Variants in FHL5 observed in about 807,000 individuals in gnomAD.
The protein encoded by FHL5 is four and a half LIM domains 5.
A neutral mutation model predicts 32.0 loss-of-function variants in FHL5; 33 were observed. That is an observed-to-expected ratio of 1.03 (90% CI 0.78 to 1.38). The LOEUF (loss-of-function observed/expected upper bound fraction) is 1.38. Among genes scored for constraint, FHL5 ranks in the 40% most tolerant of loss-of-function variants. The pLI is 0.00. For missense variants in FHL5, 336 were observed against 343.9 expected (o/e 0.98, Z 0.18); for synonymous variants, 114 against 113.6 (o/e 1.00, Z -0.02).
chr6:96,588,981 C>T (rs995470390), intron 1 of FHL5, among the ~76,000 whole-genome samples: 4 of 151,908 alleles, frequency 2.6e-5, no homozygotes, highest in Non-Finnish European at 5.9e-5. Context: ...AAATTTACTT[C>T]CATATTTTAA....
intron 1 of FHL5, among the ~76,000 whole-genome samples, chr6:96,574,040 A>G (rs1770537155): frequency 6.6e-6 from 1 of 152,158 alleles, no homozygotes; most frequent in African/African-American, 2.4e-5. Context: ...CTACTTAAAA[A>G]AAAAATTATA....
intron 5 of FHL5, 94 bp downstream of exon 5, chr6:96,610,852 G>A: frequency 2.2e-6 from 2 of 910,850 alleles, no homozygotes; most frequent in East Asian, 4.9e-5. Context: ...TTAAAAAATG[G>A]GAAGCTTTCC....
At chr6:96,606,162 T>G in intron 4 of FHL5, 91 bp downstream of exon 4, 1 of 1,087,816 alleles carries the variant, frequency 9.2e-7, no homozygotes, top group Non-Finnish European at 1.3e-6. Context: ...TACTATTATG[T>G]TATATCTGTA....
At chr6:96,564,078 A>G (rs1328216656) in intron 1 of FHL5, among the ~76,000 whole-genome samples, 2 of 152,272 alleles carry the variant, frequency 1.3e-5, no homozygotes, top group East Asian at 1.9e-4. Context: ...TTTGGTACCT[A>G]TCATTCATTT....
In FHL5 at chr6:96,605,887, AC is replaced by A. The variant is rs1319591717; in HGVS notation, c.335-14del. On this transcript the variant is annotated splice_polypyrimidine_tract_variant and intron_variant, in intron 3 of 5. Coordinates refer to ENST00000450218, the MANE Select transcript of FHL5 (RefSeq NM_001322466.2). The stretch of plus-strand genomic sequence containing the variant: ...GCTTGACTTATACTAACATGGCCTT[AC>A]TTTTGGAGTACAGGTTCCCGCAAAA... 6.2e-7 allele frequency: 1 copy of A among 1,610,902 alleles called. No individual in the cohort carries two copies. The highest frequency in any genetic ancestry group is 8.5e-7 in the Non-Finnish European group (1 of 1,178,124).
intron 1 of FHL5, among the ~76,000 whole-genome samples, chr6:96,573,587 T>C (rs915142434): frequency 4.3e-5 from 6 of 140,682 alleles, no homozygotes; most frequent in African/African-American, 1.6e-4. Flanking sequence ...AGTGGCGCAA[T>C]CTCGGCTCAC....
At position 96,615,815 on chromosome 6, in the gene FHL5, T is replaced by C; in HGVS notation, c.*43T>C. The C allele has an allele frequency of 6.7e-7, 1 of 1,497,896 alleles. No homozygotes were observed. Among genetic ancestry groups the C allele is most frequent in the East Asian group, 2.4e-5 (1 of 42,298 alleles). The allele number at this position is 1,497,896 out of a possible 1,614,324, so 92.8% of individuals were successfully genotyped here. ...CCTAAAATCCATTTTGCCTTCGTTGTCACTAAAGCCAGAACTCAGTTGCGG... is the reference window on the plus strand; with the variant it reads ...CCTAAAATCCATTTTGCCTTCGTTGCCACTAAAGCCAGAACTCAGTTGCGG... On this transcript the variant is annotated 3_prime_UTR_variant, in exon 6 of 6. Transcript: ENST00000450218.
intron 1 of FHL5, among the ~76,000 whole-genome samples, chr6:96,591,925 A>G (rs1030494740): frequency 6.6e-6 from 1 of 152,084 alleles, no homozygotes; most frequent in Non-Finnish European, 1.5e-5. Flanking sequence ...GGGATTTTCA[A>G]TGGGGAGGGA....
At chr6:96,603,469 TA>T in intron 1 of FHL5, 132 bp from the exon 2 acceptor site, 1 of 642,560 alleles carries the variant, frequency 1.6e-6, no homozygotes, top group Admixed American at 3.3e-5. Context: ...CATACTTTCC[TA>T]AATTGGGGGA....
intron 1 of FHL5, among the ~76,000 whole-genome samples, chr6:96,596,987 C>G (rs1463997565): frequency 6.6e-6 from 1 of 152,010 alleles, no homozygotes; most frequent in Non-Finnish European, 1.5e-5. Context: ...CTTGCTCCCA[C>G]ACATGATCTC....
chr6:96,568,960 A>C (rs1421983797), intron 1 of FHL5, among the ~76,000 whole-genome samples: 1 of 151,504 alleles, frequency 6.6e-6, no homozygotes, highest in Non-Finnish European at 1.5e-5. Context: ...TTATTTATGT[A>C]TGCTTTTCTT....
At chr6:96,584,159 C>T (rs372626639) in intron 1 of FHL5, among the ~76,000 whole-genome samples, 9 of 152,122 alleles carry the variant, frequency 5.9e-5, no homozygotes, top group South Asian at 2.1e-4. Flanking sequence ...ACAACTGTTA[C>T]AAAATGTGGC....
intron 4 of FHL5, among the ~76,000 whole-genome samples, chr6:96,609,787 G>A (rs550290518): frequency 6.9e-4 from 105 of 152,312 alleles, no homozygotes; most frequent in African/African-American, 2.4e-3. Flanking sequence ...CACACAGGCT[G>A]TGGAATCAGA....
At chr6:96,572,232 A>C (rs189304619) in intron 1 of FHL5, among the ~76,000 whole-genome samples, 46 of 152,274 alleles carry the variant, frequency 3.0e-4, no homozygotes, top group Admixed American at 1.2e-3. Context: ...AGTTCAGCTT[A>C]AGTAATGGAG....
chr6:96,615,607 A>G lies in FHL5; in HGVS notation c.692-2A>G, dbSNP rs756031715. 6.3e-7 allele frequency: 1 copy of G among 1,597,504 alleles called. No homozygotes were observed. The highest frequency in any genetic ancestry group is 2.3e-5 in the East Asian group (1 of 44,202). On this transcript the variant is annotated splice_acceptor_variant, in intron 5 of 5. Transcript: ENST00000450218. LOFTEE classifies it high-confidence loss of function. ...TAATCTTTTTCTCCAATTCCTTTAC[A>G]GGTCTCACAGGTGCCAAGTTTATCT...
intron 1 of FHL5, among the ~76,000 whole-genome samples, chr6:96,593,674 A>C (rs1009439503): frequency 6.6e-6 from 1 of 152,120 alleles, no homozygotes; most frequent in African/African-American, 2.4e-5. Flanking sequence ...GGCTGTCAGA[A>C]GTGCCATACA....
chr6:96,612,322 A>T (rs1771427675), intron 5 of FHL5, among the ~76,000 whole-genome samples: 1 of 152,364 alleles, frequency 6.6e-6, no homozygotes, highest in South Asian at 2.1e-4. Context: ...CTGCAATCAC[A>T]GTCCATTTAT....
chr6:96,567,656 A>AT (rs367722757), intron 1 of FHL5, among the ~76,000 whole-genome samples: 9 of 151,388 alleles, frequency 5.9e-5, no homozygotes, highest in African/African-American at 1.9e-4. Context: ...GTCTTCTTCA[A>AT]TTTTTTTTAT....
intron 1 of FHL5, among the ~76,000 whole-genome samples, chr6:96,599,104 C>T (rs1001349451): frequency 6.6e-6 from 1 of 151,212 alleles, no homozygotes. Context: ...CAATAACTCA[C>T]TATAAAATAC....
Sources: allele counts gnomAD v4.1 joint callset (sites outside exome capture counted in the v4.1 genomes callset), GRCh38; gene constraint gnomAD v4.1.1; transcripts MANE v1.5; gene names NCBI Gene and HGNC (gene_info 2026-07-23, HGNC 2026-07-21).